The following TMEM223 variants were observed in gnomAD, a reference collection of about 807,000 sequenced individuals.
TMEM223 encodes transmembrane protein 223.
In TMEM223, 14 loss-of-function variants were observed where a neutral mutation model predicts 14.1. That is an observed-to-expected ratio of 0.99 (90% confidence interval 0.66 to 1.55). TMEM223 has a LOEUF of 1.55. Among genes scored for constraint, TMEM223 ranks in the 40% most tolerant of loss-of-function variants. The pLI, the probability that TMEM223 is intolerant of heterozygous loss-of-function variation, is 0.00. For synonymous variants in TMEM223, 145 were observed against 120.5 expected, an observed-to-expected ratio of 1.20 and a Z score of -1.33; for missense variants, 346 against 269.9, an observed-to-expected ratio of 1.28 and a Z score of -1.97.
At chr11:62,775,748 C>G in intron 1 of TMEM223, 12 of 1,582,178 alleles carry the variant, frequency 7.6e-6, no homozygotes, top group Non-Finnish European at 1.0e-5. Flanking sequence ...GCAGCTTTTC[C>G]AGTCTTCATT....
At chr11:62,776,283 C>A in intron 1 of TMEM223, 2 of 1,197,166 alleles carry the variant, frequency 1.7e-6, no homozygotes, top group Admixed American at 1.8e-5. Context: ...TAAGCGTGGT[C>A]TCCTGTTTGC....
chr11:62,779,051 G>A (rs1297363969), intron 1 of TMEM223: 18 of 1,148,992 alleles, frequency 1.6e-5, no homozygotes, highest in South Asian at 9.0e-5. Flanking sequence ...ACAGAGTTTC[G>A]CTCTTGTTGC....
At chr11:62,779,359 T>C (rs2084210344) in intron 1 of TMEM223, among the ~76,000 whole-genome samples, 1 of 152,044 alleles carries the variant, frequency 6.6e-6, no homozygotes, top group South Asian at 2.1e-4. Flanking sequence ...CATACCCGGC[T>C]AATTTTTTGT....
chr11:62,788,919 C>T, downstream of TMEM223: 2 of 1,262,432 alleles, frequency 1.6e-6, no homozygotes, highest in Non-Finnish European at 2.2e-6. Context: ...CAAATAACTT[C>T]CTGGAATGCA....
At chr11:62,788,068 A>G, downstream of TMEM223, 1 of 447,042 alleles carries the variant, frequency 2.2e-6, no homozygotes, top group Non-Finnish European at 4.5e-6. Flanking sequence ...TTTAATGCCT[A>G]TAAAGTAGGC....
intron 1 of TMEM223, chr11:62,774,757 T>G: frequency 2.5e-6 from 1 of 404,858 alleles, no homozygotes; most frequent in Admixed American, 2.6e-5. Context: ...CTATCCAGCC[T>G]GGCCAACATG....
At chr11:62,788,362 C>T (rs370875567), downstream of TMEM223, among the ~76,000 whole-genome samples, 1 of 151,680 alleles carries the variant, frequency 6.6e-6, no homozygotes, top group Non-Finnish European at 1.5e-5. Flanking sequence ...GAGATCGTGC[C>T]ATTGCACTCC....
downstream of TMEM223, among the ~76,000 whole-genome samples, chr11:62,784,235 G>A (rs1303389822): frequency 2.0e-5 from 3 of 150,344 alleles, no homozygotes; most frequent in South Asian, 4.2e-4. Context: ...TGTTCCGCCC[G>A]CCTCGGCTTC....
At chr11:62,787,647 C>A (rs541802893), downstream of TMEM223, 9 of 1,255,804 alleles carry the variant, frequency 7.2e-6, no homozygotes, top group East Asian at 2.3e-4. Flanking sequence ...TGGTGAGGCA[C>A]GGCTGGCGCC....
downstream of TMEM223, chr11:62,789,093 G>T (rs1301060096): frequency 1.2e-6 from 2 of 1,614,176 alleles, no homozygotes; most frequent in Non-Finnish European, 1.7e-6. Context: ...GCCTTATCCC[G>T]TCCCTCAGCA....
At chr11:62,791,391 G>A (rs908375363) in intron 1 of TMEM223, among the ~76,000 whole-genome samples, 1 of 152,154 alleles carries the variant, frequency 6.6e-6, no homozygotes, top group African/African-American at 2.4e-5. Context: ...CCGAGTAGCT[G>A]GGACTACAGG....
downstream of TMEM223, chr11:62,789,829 GA>G: frequency 6.3e-7 from 1 of 1,579,412 alleles, no homozygotes; most frequent in Non-Finnish European, 8.6e-7. Flanking sequence ...GTGTGGGTGG[GA>G]AGGACTGGAT....
chr11:62,778,122 G>C (rs770845274), intron 1 of TMEM223: 34 of 1,614,194 alleles, frequency 2.1e-5, no homozygotes, highest in Non-Finnish European at 2.9e-5. Flanking sequence ...TGAGACAGCT[G>C]TCAGAGGTGG....
Position 62,790,027 on chromosome 11 carries a change from T to A in TMEM223, c.*596A>T, listed in dbSNP as rs374620553. The A allele has an allele frequency of 6.8e-6, 11 of 1,612,534 alleles. No individual in the cohort carries two copies. Among genetic ancestry groups the A allele is most frequent in the Non-Finnish European group, 8.5e-6 (10 of 1,179,300 alleles). On this transcript the variant is annotated 3_prime_UTR_variant, in exon 2 of 2. Transcript: ENST00000307366. ...CTCTGAGACAGATGCTCTCGTTGGG[T>A]CACGCCTTTCCCATTCCTGAAGAAT...
intron 1 of TMEM223, chr11:62,778,805 G>A: frequency 4.3e-6 from 6 of 1,384,924 alleles, no homozygotes; most frequent in Non-Finnish European, 6.2e-6. Flanking sequence ...GGGGGAGGAG[G>A]CTGGAGAGGC....
chr11:62,776,983 C>G (rs2084192832), intron 1 of TMEM223, among the ~76,000 whole-genome samples: 1 of 151,888 alleles, frequency 6.6e-6, no homozygotes, highest in Non-Finnish European at 1.5e-5. Flanking sequence ...CTCGTTTCTA[C>G]TAAAAATACA....
At chr11:62,786,944 GC>G, downstream of TMEM223, 1 of 1,459,308 alleles carries the variant, frequency 6.9e-7, no homozygotes, top group South Asian at 1.3e-5. Context: ...CGGGGCAGCG[GC>G]GGAGGCGGCC....
At chr11:62,789,569 G>A (rs775471087), downstream of TMEM223, 50 of 1,549,690 alleles carry the variant, frequency 3.2e-5, 1 homozygote, top group South Asian at 5.5e-4. Flanking sequence ...AAACTATCAC[G>A]CTTTCTCACA....
chr11:62,773,706 C>A (rs921010168), intron 2 of TMEM223, among the ~76,000 whole-genome samples: 14 of 152,090 alleles, frequency 9.2e-5, no homozygotes, highest in African/African-American at 3.4e-4. Flanking sequence ...CCTTGGCCTC[C>A]GAAAGTGCTG....
Sources: allele counts gnomAD v4.1 joint callset (sites outside exome capture counted in the v4.1 genomes callset), GRCh38; gene constraint gnomAD v4.1.1; transcripts MANE v1.5; gene names NCBI Gene and HGNC (gene_info 2026-07-23, HGNC 2026-07-21).